Variants in XRCC4 observed in about 807,000 individuals in gnomAD.
The protein encoded by XRCC4 is DNA repair protein XRCC4.
A neutral mutation model predicts 39.1 loss-of-function variants in XRCC4; 28 were observed. That is an observed-to-expected ratio of 0.72 (90% confidence interval 0.53 to 0.98). The LOEUF (loss-of-function observed/expected upper bound fraction) is 0.98, where lower values mean the gene tolerates loss of function less well. Ranked by LOEUF, XRCC4 falls within the 50% of genes least tolerant of loss-of-function variation. The pLI is 0.00. For synonymous variants in XRCC4, 123 were observed against 126.4 expected, an observed-to-expected ratio of 0.97 and a Z score of 0.18; for missense variants, 350 against 376.4, an observed-to-expected ratio of 0.93 and a Z score of 0.58.
At chr5:83,086,343 CA>C (rs1393595691) in intron 1 of XRCC4, among the ~76,000 whole-genome samples, 1 of 152,068 alleles carries the variant, frequency 6.6e-6, no homozygotes, top group African/African-American at 2.4e-5. Context: ...TATTGTTGAC[CA>C]GAAGCCTCAT....
intron 7 of XRCC4, among the ~76,000 whole-genome samples, chr5:83,350,912 A>G (rs1219759929): frequency 6.6e-6 from 1 of 152,056 alleles, no homozygotes; most frequent in African/African-American, 2.4e-5. Context: ...TTACATTTAA[A>G]TTTTTAAGCC....
At chr5:83,326,161 C>G (rs976356307) in intron 7 of XRCC4, among the ~76,000 whole-genome samples, 1 of 151,986 alleles carries the variant, frequency 6.6e-6, no homozygotes, top group Non-Finnish European at 1.5e-5. Flanking sequence ...AGACCTTTGT[C>G]AAATGGATAG....
chr5:83,330,366 G>A (rs993981155), intron 7 of XRCC4, among the ~76,000 whole-genome samples: 1 of 151,882 alleles, frequency 6.6e-6, no homozygotes, highest in African/African-American at 2.4e-5. Context: ...ATACAAGATA[G>A]TATTACACAA....
intron 7 of XRCC4, among the ~76,000 whole-genome samples, chr5:83,267,903 T>G (rs1754013747): frequency 6.6e-6 from 1 of 152,242 alleles, no homozygotes; most frequent in Non-Finnish European, 1.5e-5. Flanking sequence ...CTTAGAAATA[T>G]GAATAAAGCT....
intron 3 of XRCC4, among the ~76,000 whole-genome samples, chr5:83,172,291 T>C (rs1242519833): frequency 3.9e-5 from 6 of 152,268 alleles, no homozygotes; most frequent in Admixed American, 6.5e-5. Context: ...TTGACATCCA[T>C]CGATCAGTTA....
At chr5:83,249,250 C>T (rs1436912881) in intron 6 of XRCC4, among the ~76,000 whole-genome samples, 2 of 152,054 alleles carry the variant, frequency 1.3e-5, no homozygotes, top group Non-Finnish European at 2.9e-5. Flanking sequence ...TTTATTAATT[C>T]AGTATAAACA....
chr5:83,222,867 C>T (rs959338453), intron 6 of XRCC4, among the ~76,000 whole-genome samples: 1 of 152,076 alleles, frequency 6.6e-6, no homozygotes, highest in Non-Finnish European at 1.5e-5. Context: ...CCCATCTCAG[C>T]CTTCCAAGTA....
intron 3 of XRCC4, among the ~76,000 whole-genome samples, chr5:83,124,181 A>G (rs1747148281): frequency 6.6e-6 from 1 of 152,130 alleles, no homozygotes; most frequent in Non-Finnish European, 1.5e-5. Context: ...GGTTCCACAT[A>G]TGGATTCATG....
At chr5:83,139,329 A>G (rs933240986) in intron 3 of XRCC4, among the ~76,000 whole-genome samples, 7 of 152,150 alleles carry the variant, frequency 4.6e-5, no homozygotes, top group African/African-American at 1.7e-4. Flanking sequence ...ATGATGTTGT[A>G]CCTTTCTCAG....
intron 7 of XRCC4, among the ~76,000 whole-genome samples, chr5:83,291,090 G>A (rs1754906046): frequency 6.6e-6 from 1 of 151,784 alleles, no homozygotes; most frequent in Non-Finnish European, 1.5e-5. Context: ...AAATATTTGT[G>A]TATCTTTTTT....
chr5:83,294,032 T>C (rs1487796740), intron 7 of XRCC4, among the ~76,000 whole-genome samples: 1 of 152,006 alleles, frequency 6.6e-6, no homozygotes, highest in Non-Finnish European at 1.5e-5. Flanking sequence ...TTCAAGGATG[T>C]TTGACTTTTG....
chr5:83,366,717 G>A, the XRCC4 span, among the ~76,000 whole-genome samples: 1 of 152,110 alleles, frequency 6.6e-6, no homozygotes, highest in Non-Finnish European at 1.5e-5. Context: ...CCACACTCAT[G>A]TCATTGCCAT....
At chr5:83,254,304 C>A (rs1753444140) in intron 6 of XRCC4, among the ~76,000 whole-genome samples, 1 of 152,136 alleles carries the variant, frequency 6.6e-6, no homozygotes, top group South Asian at 2.1e-4. Context: ...CCTTCTTACT[C>A]CTTCCATTTC....
At chr5:83,125,986 CAAAAAAA>C (rs35711158) in intron 3 of XRCC4, among the ~76,000 whole-genome samples, 19 of 108,456 alleles carry the variant, frequency 1.8e-4, no homozygotes, top group Admixed American at 1.7e-3. Flanking sequence ...TCCATCTCAT[CAAAAAAA>C]AAAAAAAAAA....
chr5:83,126,070 T>C (rs1392645654), intron 3 of XRCC4, among the ~76,000 whole-genome samples: 1 of 151,728 alleles, frequency 6.6e-6, no homozygotes, highest in Non-Finnish European at 1.5e-5. Context: ...GATAATTTAC[T>C]TACTTTGCCT....
At chr5:83,269,834 T>C (rs1476675098) in intron 7 of XRCC4, among the ~76,000 whole-genome samples, 4 of 152,160 alleles carry the variant, frequency 2.6e-5, no homozygotes. Flanking sequence ...GGGACTGGTT[T>C]TGTGGAAGAC....
intron 7 of XRCC4, among the ~76,000 whole-genome samples, chr5:83,261,176 A>T (rs909635217): frequency 7.7e-6 from 1 of 129,210 alleles, no homozygotes; most frequent in Non-Finnish European, 1.6e-5. Context: ...AAGCTTCTAT[A>T]AAACAAAAGC....
intron 3 of XRCC4, among the ~76,000 whole-genome samples, chr5:83,192,306 A>AAC (rs1554063292): frequency 9.6e-6 from 1 of 104,102 alleles, no homozygotes; most frequent in Non-Finnish European, 2.0e-5. Flanking sequence ...ACGTATATAT[A>AAC]ATATATATAT....
the XRCC4 span, among the ~76,000 whole-genome samples, chr5:83,373,212 T>C: frequency 9.9e-5 from 15 of 152,084 alleles, no homozygotes; most frequent in African/African-American, 3.6e-4. Context: ...TGCCCTTCTT[T>C]GCTTTATTCA....
Sources: allele counts gnomAD v4.1 joint callset (sites outside exome capture counted in the v4.1 genomes callset), GRCh38; gene constraint gnomAD v4.1.1; transcripts MANE v1.5; gene names NCBI Gene and HGNC (gene_info 2026-07-23, HGNC 2026-07-21).